Variants in STX7 observed in about 807,000 individuals in gnomAD.
The protein encoded by STX7 is syntaxin-7.
In STX7, 34 loss-of-function variants were observed where a neutral mutation model predicts 39.6. That is an observed-to-expected ratio of 0.86 (90% CI 0.65 to 1.14). The LOEUF (loss-of-function observed/expected upper bound fraction) is 1.14, where lower values mean the gene tolerates loss of function less well. STX7 is among the 50% of genes most tolerant of loss of function. STX7 has a pLI of 0.00. For synonymous variants in STX7, 119 were observed against 99.1 expected (o/e 1.20, Z -1.19); for missense variants, 284 against 310.4 (o/e 0.92, Z 0.64).
chr6:132,472,195 T>G lies in STX7; in HGVS notation c.249+87A>C, dbSNP rs1161916725. 39 of 962,826 alleles carry G rather than the reference T, an allele frequency of 4.1e-5. No homozygotes were observed. The South Asian group carries it at 7.0e-4, about 17-fold the overall frequency. 59.6% of individuals were successfully genotyped at this position (962,826 alleles called of 1,614,324 possible). A position where few individuals can be genotyped will look rare whatever the true frequency, so the allele number is the denominator to read the frequency against. On this transcript the variant is annotated intron_variant, in intron 4 of 9. Transcript: ENST00000367941. ...TGATTTCCTTTCTAGCATAATTTCC[T>G]TTCTAGCGTAACAGTTCAAAGATCC...
In STX7 at chr6:132,460,722, A is replaced by C; in HGVS notation, c.*36T>G. ...TTACAGGAATCTTCCTACATAATTT[A>C]GACAATGTAGTGCGACAGTGTGCTC... On this transcript the variant is annotated 3_prime_UTR_variant, in exon 10 of 10. Coordinates refer to ENST00000367941, the MANE Select transcript of STX7 (RefSeq NM_003569.3). 7.0e-7 allele frequency: 1 copy of C among 1,424,056 alleles called. No individual in the cohort carries two copies. Among genetic ancestry groups the C allele is most frequent in the Non-Finnish European group, 9.8e-7 (1 of 1,019,280 alleles). 88.2% of individuals were successfully genotyped at this position (1,424,056 alleles called of 1,614,324 possible). A position where few individuals can be genotyped will look rare whatever the true frequency, so the allele number is the denominator to read the frequency against.
At position 132,462,998 on chromosome 6, in the gene STX7, G is replaced by GA. The variant is rs1198410220; in HGVS notation, c.693+994dup. Reference sequence around the variant, plus strand: ...GCACTTTGGGAGACTGAGATGGGTGGATCGCTTGAGCCCAGGAGTTCCAGA... The same window carrying GA: ...GCACTTTGGGAGACTGAGATGGGTGGAATCGCTTGAGCCCAGGAGTTCCAGA... On this transcript the variant is annotated intron_variant, in intron 9 of 9. Transcript: ENST00000367941. Among the ~76,000 whole-genome samples the GA allele has an allele frequency of 2.0e-5, 3 of 152,112 alleles. No individual in the cohort carries two copies. In the East Asian group the frequency reaches 5.8e-4, roughly 29 times the overall value.
rs1774095991 is a variant in STX7, at chr6:132,449,595, A to G, written c.*11163T>C. The G allele has an allele frequency of 6.6e-6, 1 of 152,090 alleles. No individual in the cohort carries two copies. The allele number at this position is 152,090 out of a possible 1,614,324, so 9.4% of individuals were successfully genotyped here. On this transcript the variant is annotated 3_prime_UTR_variant, in exon 10 of 10. Transcript: ENST00000367941. ...TATCCCTTTACCTGTTTTTGCTGCA[A>G]TATGTTGTTTCCTCAGTTAAAACTT...
chr6:132,462,366 A>G (rs1320959983), intron 9 of STX7, among the ~76,000 whole-genome samples: 3 of 152,228 alleles, frequency 2.0e-5, no homozygotes, highest in Non-Finnish European at 4.4e-5. Flanking sequence ...GCCTAGGGGC[A>G]GCTTCCAGTC....
intron 2 of STX7, among the ~76,000 whole-genome samples, chr6:132,497,027 T>C (rs1775435997): frequency 6.6e-6 from 1 of 152,206 alleles, no homozygotes. Flanking sequence ...TTTAGGACAC[T>C]GTTTAGCTGT....
chr6:132,486,237 T>C (rs2114425805), intron 2 of STX7, among the ~76,000 whole-genome samples: 1 of 152,334 alleles, frequency 6.6e-6, no homozygotes, highest in African/African-American at 2.4e-5. Flanking sequence ...GATCCTCTAG[T>C]ACAATTCTGA....
In STX7 at chr6:132,458,048, A is replaced by T. The variant is rs778991553; in HGVS notation, c.*2710T>A. 3.9e-5 allele frequency: 6 copies of T among 152,248 alleles called. No individual in the cohort carries two copies. Among genetic ancestry groups the T allele is most frequent in the Non-Finnish European group, 5.9e-5 (4 of 68,044 alleles). The allele number at this position is 152,248 out of a possible 1,614,324, so 9.4% of individuals were successfully genotyped here. ...GCTAAACCACAGATGTATTTCATGG[A>T]AAGAGGGGCCTTTAAAGGCACTTAT... On this transcript the variant is annotated 3_prime_UTR_variant, in exon 10 of 10. Coordinates refer to ENST00000367941, the MANE Select transcript of STX7 (RefSeq NM_003569.3).
At chr6:132,497,412 A>G (rs2788938) in intron 2 of STX7, among the ~76,000 whole-genome samples, 133,454 of 152,198 alleles carry the variant, frequency 0.88, 58,639 homozygotes, top group Middle Eastern at 0.98. Context: ...GAAGGGCATG[A>G]AGGGGTGTAA....
Position 132,460,283 on chromosome 6 carries a change from A to G in STX7, c.*475T>C, listed in dbSNP as rs1774356283. The G allele has an allele frequency of 6.6e-6, 1 of 152,286 alleles. No homozygotes were observed. The highest frequency in any genetic ancestry group is 2.4e-5 in the African/African-American group (1 of 41,470). The allele number at this position is 152,286 out of a possible 1,614,324, so 9.4% of individuals were successfully genotyped here. A position where few individuals can be genotyped will look rare whatever the true frequency, so the allele number is the denominator to read the frequency against. ...GTGCTGTTGTGAACCAGAAAAATAC[A>G]ACCCATGTATAGACCTTAATTATTT... On this transcript the variant is annotated 3_prime_UTR_variant, in exon 10 of 10. Transcript: ENST00000367941.
intron 2 of STX7, among the ~76,000 whole-genome samples, chr6:132,497,302 G>C (rs372089065): frequency 6.6e-6 from 1 of 151,712 alleles, no homozygotes; most frequent in South Asian, 2.1e-4. Flanking sequence ...AATGAAAGAA[G>C]CCCAACATAA....
chr6:132,505,239 C>G (rs1191776113), intron 1 of STX7, among the ~76,000 whole-genome samples: 1 of 152,216 alleles, frequency 6.6e-6, no homozygotes, highest in South Asian at 2.1e-4. Context: ...GATGCCAAGG[C>G]TATCCATGCT....
intron 8 of STX7, 26 bp from the exon 9 acceptor site, chr6:132,464,101 A>C: frequency 6.4e-7 from 1 of 1,561,886 alleles, no homozygotes; most frequent in Non-Finnish European, 8.8e-7. Context: ...CACACACACA[A>C]ATGTGTTAAA....
intron 1 of STX7, among the ~76,000 whole-genome samples, chr6:132,505,431 C>G (rs952630983): frequency 6.6e-6 from 1 of 152,178 alleles, no homozygotes; most frequent in African/African-American, 2.4e-5. Flanking sequence ...TGCCTGGCCA[C>G]GCTGAAAGTC....
chr6:132,477,928 C>T (rs1195666077), intron 2 of STX7, among the ~76,000 whole-genome samples: 2 of 152,106 alleles, frequency 1.3e-5, no homozygotes, highest in African/African-American at 4.8e-5. Context: ...CATAACAAAA[C>T]TTCAACTTCA....
chr6:132,493,757 G>A (rs764682501), intron 2 of STX7, among the ~76,000 whole-genome samples: 9 of 152,196 alleles, frequency 5.9e-5, no homozygotes, highest in Non-Finnish European at 1.0e-4. Context: ...GGATCAAAGA[G>A]ATGAGGACCA....
intron 2 of STX7, among the ~76,000 whole-genome samples, chr6:132,479,491 A>G (rs1774962926): frequency 2.0e-5 from 3 of 152,200 alleles, no homozygotes; most frequent in Non-Finnish European, 4.4e-5. Flanking sequence ...ACAATGGTAC[A>G]AGGTAACCAA....
intron 2 of STX7, among the ~76,000 whole-genome samples, chr6:132,502,407 G>T (rs1372983508): frequency 6.6e-6 from 1 of 151,964 alleles, no homozygotes; most frequent in Non-Finnish European, 1.5e-5. Flanking sequence ...AACCCTGAGA[G>T]CAAGACTAGA....
rs757854094 is a variant in STX7 at position 132,472,289 on chromosome 6, C to T, written c.242G>A (p.Ser81Asn). ...TGTCTTAAAGCTTGATACCTGTTCA[C>T]TGGGGGTGGTGGGCAGAGATCCAAA... Reference protein sequence around the residue: ...KEFGSLPTTPSEQRQRKIQKD... With the variant: ...KEFGSLPTTPNEQRQRKIQKD... The change falls in exon 4 of 10, where the codon AGT becomes AAT. Residue 81 changes from serine to asparagine, a missense_variant. By Grantham distance (46) the Ser-to-Asn change is conservative. Transcript: ENST00000367941. 2.6e-5 allele frequency: 42 copies of T among 1,612,176 alleles called. No homozygotes were observed. In the Admixed American group the frequency reaches 3.5e-4, roughly 14 times the overall value.
At position 132,453,537 on chromosome 6, in the gene STX7, C is replaced by A. The variant is rs1288526359; in HGVS notation, c.*7221G>T. ...TAGTATCTAGAAAAAAATACACACA[C>A]ACACACACAGAGGCACACACACACA... On this transcript the variant is annotated 3_prime_UTR_variant, in exon 10 of 10. Coordinates refer to ENST00000367941, the MANE Select transcript of STX7 (RefSeq NM_003569.3). 1 of 151,798 alleles carries A rather than the reference C, an allele frequency of 6.6e-6. No homozygotes were observed. Among genetic ancestry groups the A allele is most frequent in the East Asian group, 1.9e-4 (1 of 5,176 alleles). The allele number at this position is 151,798 out of a possible 1,614,324, so 9.4% of individuals were successfully genotyped here.
Sources: allele counts gnomAD v4.1 joint callset (sites outside exome capture counted in the v4.1 genomes callset), GRCh38; gene constraint gnomAD v4.1.1; transcripts MANE v1.5; gene names NCBI Gene and HGNC (gene_info 2026-07-23, HGNC 2026-07-21).